Variants in CDH13 observed in about 807,000 individuals in gnomAD.
CDH13 encodes cadherin-13.
A neutral mutation model predicts 63.8 loss-of-function variants in CDH13; 24 were observed. The observed-to-expected ratio is 0.38, with a 90% CI of 0.27 to 0.53. The LOEUF is 0.53. Ranked by LOEUF, CDH13 falls within the 20% of genes least tolerant of loss-of-function variation. The pLI is 0.85. For synonymous variants in CDH13, 503 were observed against 355.3 expected (o/e 1.42, Z -4.67); for missense variants, 1,049 against 903.1 (o/e 1.16, Z -2.07).
chr16:83,565,747 A>G (rs1221127806), intron 7 of CDH13, among the ~76,000 whole-genome samples: 1 of 150,680 alleles, frequency 6.6e-6, no homozygotes, highest in East Asian at 1.9e-4. Flanking sequence ...TAACTGATTT[A>G]TTATTTTCTG....
intron 5 of CDH13, among the ~76,000 whole-genome samples, chr16:83,249,666 C>A (rs2151823550): frequency 6.6e-6 from 1 of 152,310 alleles, no homozygotes. Context: ...TAGCAGAAAC[C>A]TGGCTGGGGG....
intron 3 of CDH13, among the ~76,000 whole-genome samples, chr16:83,123,340 C>T (rs549706135): frequency 1.8e-4 from 27 of 151,944 alleles, no homozygotes; most frequent in African/African-American, 6.0e-4. Context: ...AGTGCAATGG[C>T]GCGATCTCGG....
chr16:82,886,789 G>A (rs1489425176), intron 2 of CDH13, among the ~76,000 whole-genome samples: 1 of 152,128 alleles, frequency 6.6e-6, no homozygotes, highest in Non-Finnish European at 1.5e-5. Context: ...TGATGGGCTT[G>A]AGTCCATTCC....
chr16:83,160,208 A>G (rs111410292), intron 4 of CDH13, among the ~76,000 whole-genome samples: 5,283 of 152,262 alleles, frequency 0.035, 146 homozygotes, highest in South Asian at 0.054. Context: ...TGATGTGTCA[A>G]TGTAGGTTCA....
intron 2 of CDH13, among the ~76,000 whole-genome samples, chr16:82,924,864 A>G (rs13332565): frequency 0.01 from 1,561 of 152,094 alleles, 37 homozygotes; most frequent in African/African-American, 0.036. Flanking sequence ...TGCTATTATT[A>G]CCCCCTCGTT....
intron 1 of CDH13, among the ~76,000 whole-genome samples, chr16:82,841,669 C>T (rs947654767): frequency 6.8e-6 from 1 of 147,088 alleles, no homozygotes; most frequent in African/African-American, 2.4e-5. Context: ...CATAGTGTAA[C>T]CCTTTCCCTT....
intron 2 of CDH13, among the ~76,000 whole-genome samples, chr16:82,997,222 G>T (rs968646463): frequency 6.6e-6 from 1 of 151,828 alleles, no homozygotes; most frequent in East Asian, 1.9e-4. Context: ...ATGGTAATGG[G>T]TGGTAAAGAT....
intron 4 of CDH13, among the ~76,000 whole-genome samples, chr16:83,133,791 G>T (rs1254399512): frequency 3.3e-5 from 5 of 152,184 alleles, no homozygotes; most frequent in African/African-American, 1.2e-4. Flanking sequence ...GACCCACTGA[G>T]CCCGGCCCAT....
At chr16:82,852,982 T>C (rs2039554836) in intron 1 of CDH13, among the ~76,000 whole-genome samples, 2 of 152,172 alleles carry the variant, frequency 1.3e-5, no homozygotes, top group African/African-American at 2.4e-5. Flanking sequence ...AAAAAAACCC[T>C]TTCTTTTTAA....
intron 2 of CDH13, among the ~76,000 whole-genome samples, chr16:82,968,468 A>G (rs1249607470): frequency 6.6e-6 from 1 of 152,206 alleles, no homozygotes; most frequent in African/African-American, 2.4e-5. Context: ...AGTTCTCCTA[A>G]GAAGCATACT....
intron 7 of CDH13, among the ~76,000 whole-genome samples, chr16:83,597,220 C>G (rs1383152796): frequency 1.8e-5 from 2 of 108,790 alleles, no homozygotes; most frequent in East Asian, 2.2e-4. Flanking sequence ...AAGACCCTGA[C>G]TCACACACAC....
intron 7 of CDH13, among the ~76,000 whole-genome samples, chr16:83,521,446 G>T (rs1470665063): frequency 6.6e-6 from 1 of 152,094 alleles, no homozygotes; most frequent in East Asian, 1.9e-4. Flanking sequence ...TTCCTTAATA[G>T]TGTGTCACCA....
At chr16:83,097,217 A>G (rs1440826113) in intron 3 of CDH13, among the ~76,000 whole-genome samples, 1 of 152,154 alleles carries the variant, frequency 6.6e-6, no homozygotes, top group East Asian at 1.9e-4. Context: ...ACATTTCTGT[A>G]TATGCCTAAG....
intron 2 of CDH13, among the ~76,000 whole-genome samples, chr16:82,995,810 C>G (rs1410040237): frequency 2.6e-5 from 4 of 152,104 alleles, no homozygotes; most frequent in Non-Finnish European, 2.9e-5. Flanking sequence ...ACAGGGATCA[C>G]GCTGCATCCA....
At chr16:83,071,879 A>C (rs1165716886) in intron 3 of CDH13, among the ~76,000 whole-genome samples, 1 of 152,214 alleles carries the variant, frequency 6.6e-6, no homozygotes, top group Non-Finnish European at 1.5e-5. Context: ...ATAGATTATA[A>C]GTAAAATACA....
At chr16:83,664,346 A>G (rs961175870) in intron 8 of CDH13, among the ~76,000 whole-genome samples, 1 of 152,146 alleles carries the variant, frequency 6.6e-6, no homozygotes, top group African/African-American at 2.4e-5. Context: ...TGAACAGACC[A>G]TAGTTCTTAG....
intron 11 of CDH13, among the ~76,000 whole-genome samples, chr16:83,756,810 A>T (rs897465722): frequency 6.6e-6 from 1 of 152,242 alleles, no homozygotes; most frequent in Non-Finnish European, 1.5e-5. Flanking sequence ...GAAAACTAAA[A>T]AGAGAAGTAG....
chr16:83,048,578 G>A (rs190057717), intron 3 of CDH13, among the ~76,000 whole-genome samples: 22 of 152,142 alleles, frequency 1.4e-4, no homozygotes, highest in African/African-American at 4.6e-4. Context: ...CTGGCCTTGC[G>A]GGTTCCTCTG....
intron 2 of CDH13, among the ~76,000 whole-genome samples, chr16:82,871,144 A>G (rs945555064): frequency 6.6e-6 from 1 of 152,256 alleles, no homozygotes; most frequent in Non-Finnish European, 1.5e-5. Flanking sequence ...AGGAAGCAGA[A>G]TACAGTGCTA....
Sources: gnomAD v4.1 joint callset for allele counts (sites outside exome capture counted in the v4.1 genomes callset) on GRCh38, gnomAD v4.1.1 for gene constraint, MANE v1.5 for transcripts, NCBI Gene and HGNC (gene_info 2026-07-23, HGNC 2026-07-21) for gene names.